RYR2: variants seen among roughly 807,000 people sequenced by gnomAD.
RYR2 encodes the protein ryanodine receptor 2.
In RYR2, 227 loss-of-function variants were observed where a neutral mutation model predicts 601.1. The ratio of observed to expected loss-of-function variants is 0.38; its 90% CI spans 0.34 to 0.42. The LOEUF (loss-of-function observed/expected upper bound fraction) is 0.42, where lower values mean the gene tolerates loss of function less well. Ranked by LOEUF, RYR2 falls within the 10% of genes least tolerant of loss-of-function variation. The pLI is 1.00. For synonymous variants in RYR2, 2,223 were observed against 2,175.1 expected (o/e 1.02, Z -0.61); for missense variants, 4,646 against 6,156.5 (o/e 0.75, Z 8.21).
At chr1:237,556,099 C>T (rs150214021) in intron 27 of RYR2, among the ~76,000 whole-genome samples, 93 of 152,062 alleles carry the variant, frequency 6.1e-4, no homozygotes, top group African/African-American at 2.0e-3. Flanking sequence ...GTAGCTAATA[C>T]GTATTAATAA....
chr1:237,781,943 T>G (rs950050541), intron 89 of RYR2, among the ~76,000 whole-genome samples: 5 of 152,116 alleles, frequency 3.3e-5, no homozygotes, highest in Non-Finnish European at 5.9e-5. Context: ...ATATTTTATT[T>G]GTTAGTGTGT....
intron 65 of RYR2, among the ~76,000 whole-genome samples, chr1:237,701,063 A>T (rs972298979): frequency 1.3e-5 from 2 of 152,312 alleles, no homozygotes; most frequent in Middle Eastern, 3.4e-3. Flanking sequence ...GAGCTGTTTG[A>T]ACTCCCCACT....
At chr1:237,194,971 T>C (rs1680391610) in intron 1 of RYR2, among the ~76,000 whole-genome samples, 1 of 152,160 alleles carries the variant, frequency 6.6e-6, no homozygotes, top group Non-Finnish European at 1.5e-5. Flanking sequence ...TACAAGTGGC[T>C]CACACAGTGC....
intron 56 of RYR2, among the ~76,000 whole-genome samples, chr1:237,663,921 A>C (rs1199147225): frequency 6.6e-6 from 1 of 152,208 alleles, no homozygotes; most frequent in Non-Finnish European, 1.5e-5. Context: ...TATACAATAG[A>C]GTATATAAGG....
intron 1 of RYR2, among the ~76,000 whole-genome samples, chr1:237,119,115 G>A (rs1572699446): frequency 6.6e-6 from 1 of 152,088 alleles, no homozygotes; most frequent in South Asian, 2.1e-4. Context: ...AGGTAATGAA[G>A]TTAAAGTGAG....
chr1:237,410,019 A>G (rs1233227918), intron 10 of RYR2, among the ~76,000 whole-genome samples: 1 of 152,200 alleles, frequency 6.6e-6, no homozygotes, highest in Non-Finnish European at 1.5e-5. Flanking sequence ...TATTCAGAAA[A>G]TAGGACTCTG....
chr1:237,069,528 A>G (rs1449761547), intron 1 of RYR2, among the ~76,000 whole-genome samples: 1 of 149,680 alleles, frequency 6.7e-6, no homozygotes, highest in East Asian at 1.9e-4. Context: ...CATGAAAATC[A>G]GGAATGTTTA....
intron 38 of RYR2, among the ~76,000 whole-genome samples, chr1:237,619,444 T>C (rs1678833118): frequency 6.6e-6 from 1 of 152,044 alleles, no homozygotes; most frequent in South Asian, 2.1e-4. Flanking sequence ...ATCAGTGAAC[T>C]GAAGAGAGGG....
chr1:237,209,121 A>G (rs1284420625), intron 1 of RYR2, among the ~76,000 whole-genome samples: 1 of 150,530 alleles, frequency 6.6e-6, no homozygotes, highest in African/African-American at 2.4e-5. Flanking sequence ...ATGATTATAT[A>G]TGTGTAACAG....
At position 237,668,442 on chromosome 1, in the gene RYR2, C is replaced by CATAA. The variant is rs549914398; in HGVS notation, c.8590+487_8590+488insAATA. ...TCTCAAGTCTTTTAAAATTTATTTGCATATTTTCTTCAGTTTAACGTATGC... is the reference window on the plus strand; with the variant it reads ...TCTCAAGTCTTTTAAAATTTATTTGCATAAATATTTTCTTCAGTTTAACGTATGC... On this transcript the variant is annotated intron_variant, in intron 58 of 104. Coordinates refer to ENST00000366574, the MANE Select transcript of RYR2 (RefSeq NM_001035.3). 1.3e-3 allele frequency among the ~76,000 whole-genome samples: 191 copies of CATAA among 152,242 alleles called. 1 individual carries two copies. The highest frequency in any genetic ancestry group is 3.3e-3 in the South Asian group (16 of 4,822).
intron 6 of RYR2, 110 bp downstream of exon 6, chr1:237,369,718 ATGTT>A: frequency 1.2e-6 from 1 of 837,002 alleles, no homozygotes; most frequent in South Asian, 1.7e-5. Context: ...ATGAGCTTGG[ATGTT>A]TGTGTTCTTT....
chr1:237,161,962 A>C (rs931387873), intron 1 of RYR2, among the ~76,000 whole-genome samples: 6 of 152,144 alleles, frequency 3.9e-5, no homozygotes, highest in African/African-American at 1.4e-4. Context: ...AGCACCTGTT[A>C]TGTGTTAGAA....
intron 29 of RYR2, among the ~76,000 whole-genome samples, chr1:237,586,276 T>C (rs926185462): frequency 6.6e-6 from 1 of 152,250 alleles, no homozygotes; most frequent in Non-Finnish European, 1.5e-5. Flanking sequence ...AAAGATGACT[T>C]TTAATGGCTG....
chr1:237,479,177 A>G (rs1209374203), intron 17 of RYR2, among the ~76,000 whole-genome samples: 1 of 152,218 alleles, frequency 6.6e-6, no homozygotes, highest in African/African-American at 2.4e-5. Context: ...TCAGGTCTGA[A>G]GTGATTTGCT....
chr1:237,265,324 T>C (rs1688949937), intron 1 of RYR2, among the ~76,000 whole-genome samples: 1 of 151,732 alleles, frequency 6.6e-6, no homozygotes. Flanking sequence ...ATTTTTTTGA[T>C]TGTTTGTTTG....
At chr1:237,176,992 C>G (rs1678128209) in intron 1 of RYR2, among the ~76,000 whole-genome samples, 3 of 152,070 alleles carry the variant, frequency 2.0e-5, no homozygotes, top group Admixed American at 2.0e-4. Flanking sequence ...CTGAGATTAC[C>G]AGTGCTTTTG....
intron 26 of RYR2, among the ~76,000 whole-genome samples, chr1:237,549,628 CTTTTTTTTTTTTTTT>C (rs57579159): frequency 2.2e-4 from 17 of 77,710 alleles, no homozygotes; most frequent in Middle Eastern, 0.01. Flanking sequence ...CCATAGCTTT[CTTTTTTTTTTTTTTT>C]TTTTTTTTTT....
At chr1:237,544,794 A>G (rs1168486839) in intron 25 of RYR2, among the ~76,000 whole-genome samples, 1 of 152,206 alleles carries the variant, frequency 6.6e-6, no homozygotes, top group African/African-American at 2.4e-5. Flanking sequence ...CAAACAGAAA[A>G]TTCGTTTCAT....
At position 237,219,008 on chromosome 1, in the gene RYR2, TGA is replaced by T. The variant is rs1491558626; in HGVS notation, c.49-51488_49-51487del. Among the ~76,000 whole-genome samples the T allele has an allele frequency of 3.0e-5, 4 of 133,050 alleles. No homozygotes were observed. In the East Asian group the frequency reaches 9.6e-4, roughly 32 times the overall value. The allele number at this position is 133,050 out of a possible 152,430, so 87.3% of individuals were successfully genotyped here. Reference sequence around the variant, plus strand: ...TCCATCTTTCTGCTTTCCTTATACTTGATTTTTTTTTTTTTTTTTTTTTAGCT... The same window carrying T: ...TCCATCTTTCTGCTTTCCTTATACTTTTTTTTTTTTTTTTTTTTTTTAGCT... On this transcript the variant is annotated intron_variant, in intron 1 of 104. Coordinates refer to ENST00000366574, the MANE Select transcript of RYR2 (RefSeq NM_001035.3).
Sources: gnomAD v4.1 joint callset for allele counts (sites outside exome capture counted in the v4.1 genomes callset) on GRCh38, gnomAD v4.1.1 for gene constraint, MANE v1.5 for transcripts, NCBI Gene and HGNC (gene_info 2026-07-23, HGNC 2026-07-21) for gene names.